Variants in LHFPL6 observed in about 807,000 individuals in gnomAD.
The protein encoded by LHFPL6 is LHFPL tetraspan subfamily member 6 protein.
A neutral mutation model predicts 20.6 loss-of-function variants in LHFPL6; 9 were observed. That is an observed-to-expected ratio of 0.44 (90% confidence interval 0.26 to 0.76). LHFPL6 has a LOEUF of 0.76. LHFPL6 is among the 30% of genes least tolerant of loss of function. LHFPL6 has a pLI of 0.20. For synonymous variants in LHFPL6, 105 were observed against 98.7 expected (o/e 1.06, Z -0.38); for missense variants, 218 against 253.5 (o/e 0.86, Z 0.95).
chr13:39,504,755 T>C (rs1286676434), intron 2 of LHFPL6, among the ~76,000 whole-genome samples: 1 of 152,240 alleles, frequency 6.6e-6, no homozygotes, highest in African/African-American at 2.4e-5. Context: ...AGGTTAGTGC[T>C]GTCACACATG....
chr13:39,366,636 C>T (rs570191785), intron 3 of LHFPL6, among the ~76,000 whole-genome samples: 6 of 152,280 alleles, frequency 3.9e-5, no homozygotes, highest in African/African-American at 9.6e-5. Flanking sequence ...ATTTTGTGGA[C>T]GCTGGCAAAA....
At chr13:39,397,906 T>TTGTGTGTG (rs146494686) in intron 2 of LHFPL6, among the ~76,000 whole-genome samples, 3 of 149,880 alleles carry the variant, frequency 2.0e-5, no homozygotes, top group Non-Finnish European at 4.4e-5. Context: ...AAGTCAGACT[T>TTGTGTGTG]TGTGTGTGTG....
At chr13:39,429,941 C>T (rs889052768) in intron 2 of LHFPL6, among the ~76,000 whole-genome samples, 1 of 152,132 alleles carries the variant, frequency 6.6e-6, no homozygotes, top group Admixed American at 6.5e-5. Flanking sequence ...GGCACCATAC[C>T]CTCCTTGCAA....
chr13:39,473,809 T>TAAA (rs932797761), intron 2 of LHFPL6, among the ~76,000 whole-genome samples: 2 of 152,212 alleles, frequency 1.3e-5, no homozygotes, highest in Admixed American at 6.5e-5. Flanking sequence ...TAAGACTGAA[T>TAAA]AAAACCATCA....
rs565604053 is a variant in LHFPL6 at position 39,570,690 on chromosome 13, T to G, written c.385+30142A>C. ...ACAATGATTTAATCATGATTATAGC[T>G]CTGGTAGATATAAAATAGTTGTACT... On this transcript the variant is annotated intron_variant, in intron 2 of 3. Coordinates refer to ENST00000379589, the MANE Select transcript of LHFPL6 (RefSeq NM_005780.3). 1.7e-4 allele frequency among the ~76,000 whole-genome samples: 26 copies of G among 152,272 alleles called. No homozygotes were observed. The South Asian group carries it at 5.2e-3, about 30-fold the overall frequency.
intron 2 of LHFPL6, among the ~76,000 whole-genome samples, chr13:39,474,589 C>T (rs1008211062): frequency 3.3e-5 from 5 of 152,160 alleles, no homozygotes; most frequent in Middle Eastern, 3.4e-3. Context: ...GTCATTATGA[C>T]TTTAATTTAA....
chr13:39,466,538 C>T (rs1161996608), intron 2 of LHFPL6, among the ~76,000 whole-genome samples: 1 of 152,172 alleles, frequency 6.6e-6, no homozygotes, highest in Non-Finnish European at 1.5e-5. Flanking sequence ...AGGTCACAGA[C>T]TAGAAAGATC....
intron 2 of LHFPL6, among the ~76,000 whole-genome samples, chr13:39,560,560 G>A (rs1429611954): frequency 1.4e-5 from 2 of 139,270 alleles, no homozygotes. Flanking sequence ...TGTCGCCCAG[G>A]CTGGAGTGCA....
intron 3 of LHFPL6, among the ~76,000 whole-genome samples, chr13:39,352,980 T>C (rs1261466577): frequency 1.9e-4 from 25 of 132,326 alleles, no homozygotes; most frequent in East Asian, 9.4e-4. Flanking sequence ...CACATATATA[T>C]ATATATATAA....
intron 2 of LHFPL6, among the ~76,000 whole-genome samples, chr13:39,496,094 A>C (rs967209882): frequency 6.6e-6 from 1 of 152,200 alleles, no homozygotes; most frequent in African/African-American, 2.4e-5. Flanking sequence ...GAAAAAAGAC[A>C]GCTCAGCCAA....
rs147505270 is a variant in LHFPL6, at chr13:39,523,900, T to C, written c.385+76932A>G. On this transcript the variant is annotated intron_variant, in intron 2 of 3. Coordinates refer to ENST00000379589, the MANE Select transcript of LHFPL6 (RefSeq NM_005780.3). ...CGTTAAGAGCTAAAGAAAGATTCCA[T>C]AAATAAGCTGGCGAGCTTCAAAGGA... Among the ~76,000 whole-genome samples, 837 of 152,116 alleles carry C rather than the reference T, an allele frequency of 5.5e-3. 1 individual carries two copies. Among genetic ancestry groups the C allele is most frequent in the Non-Finnish European group, 8.7e-3 (592 of 67,986 alleles).
chr13:39,569,494 A>G (rs1871845205), intron 2 of LHFPL6, among the ~76,000 whole-genome samples: 1 of 152,170 alleles, frequency 6.6e-6, no homozygotes, highest in Admixed American at 6.5e-5. Flanking sequence ...AAAATTGCAA[A>G]TGGTATTATT....
chr13:39,591,393 A>C (rs1381976332), intron 2 of LHFPL6, among the ~76,000 whole-genome samples: 3 of 152,276 alleles, frequency 2.0e-5, no homozygotes, highest in African/African-American at 7.2e-5. Context: ...CTTTTTTATG[A>C]GTGTATATAC....
intron 2 of LHFPL6, among the ~76,000 whole-genome samples, chr13:39,433,447 A>T (rs1871870081): frequency 2.0e-5 from 3 of 152,244 alleles, no homozygotes; most frequent in Admixed American, 2.0e-4. Context: ...TGTAACACAC[A>T]TAATCCTTTG....
chr13:39,600,229 G>C (rs1373799558), intron 2 of LHFPL6, among the ~76,000 whole-genome samples: 1 of 152,188 alleles, frequency 6.6e-6, no homozygotes, highest in Non-Finnish European at 1.5e-5. Context: ...GAGCACCCAG[G>C]AAAGTTAAGA....
At chr13:39,574,266 A>C (rs2138533168) in intron 2 of LHFPL6, among the ~76,000 whole-genome samples, 1 of 152,072 alleles carries the variant, frequency 6.6e-6, no homozygotes, top group South Asian at 2.1e-4. Context: ...GCGGATCACA[A>C]GGTCAGGAGA....
At chr13:39,567,029 GTT>G (rs373103461) in intron 2 of LHFPL6, among the ~76,000 whole-genome samples, 10 of 123,402 alleles carry the variant, frequency 8.1e-5, no homozygotes, top group African/African-American at 3.3e-4. Context: ...GTTAGCCAGG[GTT>G]TTTTTTTTTT....
intron 2 of LHFPL6, among the ~76,000 whole-genome samples, chr13:39,405,389 A>G (rs1871093318): frequency 6.6e-6 from 1 of 152,198 alleles, no homozygotes; most frequent in Non-Finnish European, 1.5e-5. Flanking sequence ...CATTTTGAAA[A>G]CTGTCATCTT....
rs140705407 is a variant in LHFPL6 at position 39,543,926 on chromosome 13, T to C, written c.385+56906A>G. 2.2e-3 allele frequency among the ~76,000 whole-genome samples: 332 copies of C among 152,322 alleles called. 4 individuals are homozygous for C. The highest frequency in any genetic ancestry group is 7.5e-3 in the African/African-American group (311 of 41,558). On this transcript the variant is annotated intron_variant, in intron 2 of 3. Transcript: ENST00000379589. ...AATGTCCAAAAAGATTCCTAAAAAG[T>C]CTTGCGATTATGAAAACAGTTTACC...
Sources: gnomAD v4.1 joint callset for allele counts (sites outside exome capture counted in the v4.1 genomes callset) on GRCh38, gnomAD v4.1.1 for gene constraint, MANE v1.5 for transcripts, NCBI Gene and HGNC (gene_info 2026-07-23, HGNC 2026-07-21) for gene names.